The following DCLK2 variants were observed in gnomAD, a reference collection of about 807,000 sequenced individuals.
DCLK2 encodes the protein doublecortin like kinase 2, also known as serine/threonine-protein kinase DCLK2.
A neutral mutation model predicts 78.4 loss-of-function variants in DCLK2; 31 were observed. The ratio of observed to expected loss-of-function variants is 0.40; its 90% confidence interval spans 0.30 to 0.53. DCLK2 has a LOEUF of 0.53. Ranked by LOEUF, DCLK2 falls within the 20% of genes least tolerant of loss-of-function variation. The pLI, the probability that DCLK2 is intolerant of heterozygous loss-of-function variation, is 0.61. For synonymous variants in DCLK2, 407 were observed against 374.9 expected, an observed-to-expected ratio of 1.09 and a Z score of -0.99; for missense variants, 872 against 973.7, an observed-to-expected ratio of 0.90 and a Z score of 1.39.
intron 2 of DCLK2, among the ~76,000 whole-genome samples, chr4:150,174,909 A>G (rs1736838811): frequency 6.9e-6 from 1 of 144,474 alleles, no homozygotes; most frequent in Admixed American, 7.2e-5. Flanking sequence ...GAGGCAGGAG[A>G]ATCACTTGAA....
chr4:150,256,006 T>C lies in DCLK2; in HGVS notation c.2074-14T>C, dbSNP rs769712539. 1.2e-6 allele frequency: 2 copies of C among 1,611,694 alleles called. No individual in the cohort carries two copies. Among genetic ancestry groups the C allele is most frequent in the African/African-American group, 2.7e-5 (2 of 74,626 alleles). On this transcript the variant is annotated splice_polypyrimidine_tract_variant and intron_variant, in intron 15 of 15. Transcript: ENST00000296550. ...GGCCCGGGTAATGTGTTGTCTCTGC[T>C]GTTTCCTCCTCAGAACACGGCTCTA...
chr4:150,134,935 T>C (rs1733586082), intron 2 of DCLK2, among the ~76,000 whole-genome samples: 1 of 152,152 alleles, frequency 6.6e-6, no homozygotes, highest in Non-Finnish European at 1.5e-5. Context: ...CTTTTGATAC[T>C]GTTTTGCCTT....
chr4:150,222,865 CAAA>C (rs879903066), intron 7 of DCLK2, among the ~76,000 whole-genome samples: 2 of 123,208 alleles, frequency 1.6e-5, no homozygotes, highest in Non-Finnish European at 3.5e-5. Context: ...GACTGTGTCT[CAAA>C]AAAAAAAAAA....
At chr4:150,232,931 T>G (rs1742195653) in intron 10 of DCLK2, 103 bp downstream of exon 10, 1 of 1,394,922 alleles carries the variant, frequency 7.2e-7, no homozygotes, top group Non-Finnish European at 9.6e-7. Flanking sequence ...TCCTACATTA[T>G]GAGACTTTAA....
chr4:150,106,399 TG>T (rs1443162799), intron 2 of DCLK2, among the ~76,000 whole-genome samples: 1 of 152,162 alleles, frequency 6.6e-6, no homozygotes, highest in Non-Finnish European at 1.5e-5. Flanking sequence ...CAATTCTACA[TG>T]TATGTAAAAC....
chr4:150,228,514 C>G (rs1167798070), intron 8 of DCLK2, among the ~76,000 whole-genome samples: 1 of 152,164 alleles, frequency 6.6e-6, no homozygotes, highest in Non-Finnish European at 1.5e-5. Context: ...ACCAAAACCT[C>G]CACAAGCTCT....
intron 3 of DCLK2, among the ~76,000 whole-genome samples, chr4:150,196,366 C>A (rs966559816): frequency 3.9e-5 from 6 of 152,176 alleles, no homozygotes; most frequent in African/African-American, 1.4e-4. Context: ...CACCTTTCAA[C>A]AGTCGGATAC....
At chr4:150,174,104 A>G (rs1010260228) in intron 2 of DCLK2, among the ~76,000 whole-genome samples, 1 of 152,170 alleles carries the variant, frequency 6.6e-6, no homozygotes, top group Admixed American at 6.5e-5. Context: ...AATGGCAGTC[A>G]CCACTACTCA....
chr4:150,208,734 A>G (rs1740057195), intron 5 of DCLK2, among the ~76,000 whole-genome samples: 1 of 152,116 alleles, frequency 6.6e-6, no homozygotes, highest in South Asian at 2.1e-4. Flanking sequence ...AAGTTTGCTA[A>G]TAGGTATCTA....
At chr4:150,202,347 A>G (rs1739521252) in intron 4 of DCLK2, among the ~76,000 whole-genome samples, 1 of 152,216 alleles carries the variant, frequency 6.6e-6, no homozygotes, top group Non-Finnish European at 1.5e-5. Flanking sequence ...TTGTTAATAA[A>G]ATCTAGATCA....
chr4:150,124,368 C>T (rs1412973957), intron 2 of DCLK2, among the ~76,000 whole-genome samples: 2 of 152,006 alleles, frequency 1.3e-5, no homozygotes, highest in Non-Finnish European at 2.9e-5. Flanking sequence ...TTATGGCAGG[C>T]TTCTCATAAT....
chr4:150,123,322 T>C (rs2150185226), intron 2 of DCLK2, among the ~76,000 whole-genome samples: 1 of 152,260 alleles, frequency 6.6e-6, no homozygotes, highest in Admixed American at 6.5e-5. Flanking sequence ...TAGCCTAGTT[T>C]CAGTATTGTT....
intron 2 of DCLK2, among the ~76,000 whole-genome samples, chr4:150,163,585 T>G (rs964381501): frequency 2.0e-5 from 3 of 152,188 alleles, no homozygotes; most frequent in African/African-American, 7.2e-5. Flanking sequence ...TCCTTGTCTA[T>G]ACTATGAAGA....
chr4:150,134,253 G>A (rs963377662), intron 2 of DCLK2, among the ~76,000 whole-genome samples: 9 of 151,700 alleles, frequency 5.9e-5, no homozygotes, highest in African/African-American at 2.2e-4. Context: ...GCTAATTTTT[G>A]TATTTTTTAG....
chr4:150,223,343 A>G (rs1331409155), intron 7 of DCLK2, among the ~76,000 whole-genome samples: 1 of 152,250 alleles, frequency 6.6e-6, no homozygotes, highest in Non-Finnish European at 1.5e-5. Flanking sequence ...TGCACTTGAG[A>G]TAACAAGTGT....
intron 2 of DCLK2, among the ~76,000 whole-genome samples, chr4:150,180,416 G>T (rs929877768): frequency 1.3e-5 from 2 of 152,086 alleles, no homozygotes; most frequent in African/African-American, 2.4e-5. Context: ...CTTTTGCTTT[G>T]GTTCTCAATT....
intron 2 of DCLK2, among the ~76,000 whole-genome samples, chr4:150,177,525 CT>C (rs1381490641): frequency 6.6e-6 from 1 of 152,030 alleles, no homozygotes; most frequent in Non-Finnish European, 1.5e-5. Flanking sequence ...ATTGAACATT[CT>C]GAGAAAGGCA....
At chr4:150,155,997 A>G (rs13435185) in intron 2 of DCLK2, among the ~76,000 whole-genome samples, 40,981 of 151,942 alleles carry the variant, frequency 0.27, 5,773 homozygotes, top group East Asian at 0.34. Context: ...GTAGTCAGGA[A>G]AGACAGATGA....
chr4:150,083,817 C>T (rs1452961098), intron 1 of DCLK2, among the ~76,000 whole-genome samples: 1 of 152,174 alleles, frequency 6.6e-6, no homozygotes, highest in Non-Finnish European at 1.5e-5. Context: ...CTTCAAGGCC[C>T]ACTTCAAATA....
Sources: gnomAD v4.1 joint callset for allele counts (sites outside exome capture counted in the v4.1 genomes callset) on GRCh38, gnomAD v4.1.1 for gene constraint, MANE v1.5 for transcripts, NCBI Gene and HGNC (gene_info 2026-07-23, HGNC 2026-07-21) for gene names.